PHLPP1: variants seen among roughly 807,000 people sequenced by gnomAD.
PHLPP1 encodes PH domain and leucine rich repeat protein phosphatase 1.
In PHLPP1, 42 loss-of-function variants were observed where a neutral mutation model predicts 117.2. The observed-to-expected ratio is 0.36, with a 90% CI of 0.28 to 0.46. PHLPP1 has a LOEUF of 0.46. Among genes scored for constraint, PHLPP1 ranks in the 20% least tolerant of loss-of-function variants. The pLI, the probability that PHLPP1 is intolerant of heterozygous loss-of-function variation, is 1.00. For missense variants in PHLPP1, 2,084 were observed against 2,241.9 expected, an observed-to-expected ratio of 0.93 and a Z score of 1.42; for synonymous variants, 1,042 against 970.7, an observed-to-expected ratio of 1.07 and a Z score of -1.37.
intron 8 of PHLPP1, among the ~76,000 whole-genome samples, chr18:62,913,721 G>A (rs1917020019): frequency 7.1e-6 from 1 of 140,512 alleles, no homozygotes. Context: ...GACACCATTA[G>A]TTTAGTTCTC....
intron 11 of PHLPP1, among the ~76,000 whole-genome samples, chr18:62,943,506 A>G (rs1451083979): frequency 6.6e-6 from 1 of 152,126 alleles, no homozygotes; most frequent in East Asian, 1.9e-4. Flanking sequence ...ATTACCCATT[A>G]GTTTCAAGGC....
intron 14 of PHLPP1, among the ~76,000 whole-genome samples, chr18:62,967,491 A>G (rs1044077598): frequency 3.3e-5 from 5 of 151,678 alleles, no homozygotes; most frequent in Non-Finnish European, 7.4e-5. Context: ...TACTCTTTCC[A>G]TATGTTTATT....
At chr18:62,825,210 C>T (rs1914578310) in intron 1 of PHLPP1, among the ~76,000 whole-genome samples, 1 of 151,810 alleles carries the variant, frequency 6.6e-6, no homozygotes, top group Non-Finnish European at 1.5e-5. Context: ...CCACCCACTT[C>T]AGCCTCCCAA....
chr18:62,760,551 T>C (rs1018178360), intron 1 of PHLPP1, among the ~76,000 whole-genome samples: 1 of 152,232 alleles, frequency 6.6e-6, no homozygotes, highest in Non-Finnish European at 1.5e-5. Flanking sequence ...CAGTTTTACG[T>C]CAGCTCTCAA....
At chr18:62,888,327 G>A (rs1433634026) in intron 4 of PHLPP1, among the ~76,000 whole-genome samples, 3 of 141,394 alleles carry the variant, frequency 2.1e-5, no homozygotes, top group East Asian at 2.0e-4. Flanking sequence ...GTGTGTGTGT[G>A]TGTGTGTATG....
chr18:62,744,356 C>CT (rs1400262850), intron 1 of PHLPP1, among the ~76,000 whole-genome samples: 1 of 152,182 alleles, frequency 6.6e-6, no homozygotes, highest in East Asian at 1.9e-4. Context: ...TGTGGTGTCT[C>CT]TGAAATTCAA....
intron 1 of PHLPP1, among the ~76,000 whole-genome samples, chr18:62,816,527 A>G (rs1271577890): frequency 2.0e-5 from 3 of 152,230 alleles, no homozygotes; most frequent in Non-Finnish European, 2.9e-5. Context: ...AGATCGTGCC[A>G]TTGCACTCCA....
intron 10 of PHLPP1, among the ~76,000 whole-genome samples, chr18:62,939,995 C>CAACA (rs1910081620): frequency 6.6e-6 from 1 of 151,900 alleles, no homozygotes; most frequent in Admixed American, 6.6e-5. Flanking sequence ...TGTGGTTCAT[C>CAACA]AACAGGGTTG....
At position 62,715,993 on chromosome 18, in the gene PHLPP1, G is replaced by T; in HGVS notation, c.310G>T (p.Gly104Cys). 4 of 1,343,446 alleles carry T rather than the reference G, an allele frequency of 3.0e-6. No homozygotes were observed. Among genetic ancestry groups the T allele is most frequent in the Non-Finnish European group, 2.8e-6 (3 of 1,053,988 alleles). The allele number at this position is 1,343,446 out of a possible 1,614,324, so 83.2% of individuals were successfully genotyped here. The change falls in exon 1 of 17, where the codon GGC becomes TGC. Residue 104 changes from glycine to cysteine, a missense_variant. Physicochemically the swap from Gly to Cys is radical, Grantham distance 159. Transcript: ENST00000262719. ...RRRGAPQPIAGGAAPVPGAGG... is the reference protein window; with the variant it reads ...RRRGAPQPIACGAAPVPGAGG... ...GCGCGGGGCGCCCCAGCCCATTGCCGGCGGGGCTGCCCCCGTACCCGGGGC... is the reference window on the plus strand; with the variant it reads ...GCGCGGGGCGCCCCAGCCCATTGCCTGCGGGGCTGCCCCCGTACCCGGGGC...
chr18:62,974,317 A>G (rs775624656), intron 15 of PHLPP1, among the ~76,000 whole-genome samples: 5 of 152,142 alleles, frequency 3.3e-5, no homozygotes, highest in Non-Finnish European at 7.4e-5. Context: ...TTAAGAGGGT[A>G]CGGGTTGTGT....
At position 62,878,860 on chromosome 18, in the gene PHLPP1, G is replaced by C. The variant is rs558263194; in HGVS notation, c.2067-16151G>C. ...CATGTGATAAATATGTGCATGTTCA[G>C]ATGTACTATTTCATTCAATTCAAAG... is the stretch of plus-strand genomic sequence containing the variant. On this transcript the variant is annotated intron_variant, in intron 4 of 16. Transcript: ENST00000262719. 2.0e-4 allele frequency among the ~76,000 whole-genome samples: 31 copies of C among 152,226 alleles called. 1 individual carries two copies. In the South Asian group the frequency reaches 6.0e-3, roughly 30 times the overall value.
At chr18:62,820,869 G>A (rs1408755772) in intron 1 of PHLPP1, among the ~76,000 whole-genome samples, 2 of 152,128 alleles carry the variant, frequency 1.3e-5, no homozygotes, top group African/African-American at 4.8e-5. Flanking sequence ...GTAAGACAAG[G>A]CGAGAACAAA....
At chr18:62,755,121 G>C (rs1911972011) in intron 1 of PHLPP1, among the ~76,000 whole-genome samples, 1 of 151,942 alleles carries the variant, frequency 6.6e-6, no homozygotes, top group Admixed American at 6.5e-5. Context: ...GTTTTTTGTA[G>C]GAAGTAGAGG....
intron 1 of PHLPP1, among the ~76,000 whole-genome samples, chr18:62,807,557 A>G (rs772285823): frequency 2.0e-5 from 3 of 152,178 alleles, no homozygotes; most frequent in African/African-American, 7.2e-5. Context: ...CCATTAGGCA[A>G]TTTTGTTCTT....
chr18:62,821,859 C>T (rs1039374762), intron 1 of PHLPP1, among the ~76,000 whole-genome samples: 1 of 151,322 alleles, frequency 6.6e-6, no homozygotes, highest in African/African-American at 2.4e-5. Flanking sequence ...TCAAGCAATT[C>T]TCCCACCTCC....
chr18:62,715,695 C>A lies in PHLPP1; in HGVS notation c.12C>A (p.Ala4=), dbSNP rs780740012. Residue 4 remains alanine, a synonymous_variant, in exon 1 of 17, where the codon GCC becomes GCA. Coordinates refer to ENST00000262719, the MANE Select transcript of PHLPP1 (RefSeq NM_194449.4). MEP[A]AAATVQRLPE... ...GAAGCCCCACTGCAATGGAGCCCGC[C>A]GCCGCGGCCACGGTACAGCGACTCC... is the stretch of plus-strand genomic sequence containing the variant. 3.1e-6 allele frequency: 4 copies of A among 1,289,942 alleles called. No individual in the cohort carries two copies. Among genetic ancestry groups the A allele is most frequent in the Non-Finnish European group, 9.8e-7 (1 of 1,016,330 alleles). The allele number at this position is 1,289,942 out of a possible 1,614,324, so 79.9% of individuals were successfully genotyped here.
chr18:62,815,453 G>A (rs368142682), intron 1 of PHLPP1, among the ~76,000 whole-genome samples: 1 of 152,060 alleles, frequency 6.6e-6, no homozygotes, highest in Non-Finnish European at 1.5e-5. Context: ...CACCGCGCCC[G>A]GCCTTGAGGA....
chr18:62,902,585 T>C (rs977307021), intron 6 of PHLPP1, among the ~76,000 whole-genome samples: 2 of 152,234 alleles, frequency 1.3e-5, no homozygotes, highest in South Asian at 2.1e-4. Flanking sequence ...TTGTTTCTTA[T>C]GTTCTTTTCG....
intron 1 of PHLPP1, among the ~76,000 whole-genome samples, chr18:62,818,721 CTT>C (rs1478695297): frequency 6.6e-6 from 1 of 152,130 alleles, no homozygotes; most frequent in Non-Finnish European, 1.5e-5. Context: ...ATATAAAAGA[CTT>C]ATTTTAAAAA....
Sources: allele counts gnomAD v4.1 joint callset (sites outside exome capture counted in the v4.1 genomes callset), GRCh38; gene constraint gnomAD v4.1.1; transcripts MANE v1.5; gene names NCBI Gene and HGNC (gene_info 2026-07-23, HGNC 2026-07-21).